The following ADAT2 variants were observed in gnomAD, a reference collection of about 807,000 sequenced individuals.
The protein encoded by ADAT2 is tRNA-specific adenosine-34 deaminase catalytic subunit ADAT2.
Under a neutral mutation model 25.9 loss-of-function variants are expected in ADAT2, and 26 were observed. That is an observed-to-expected ratio of 1.00 (90% CI 0.74 to 1.39). The LOEUF (loss-of-function observed/expected upper bound fraction) is 1.39, where lower values mean the gene tolerates loss of function less well. Ranked by LOEUF, ADAT2 falls within the 40% of genes most tolerant of loss-of-function variation. The pLI is 0.00. For missense variants in ADAT2, 220 were observed against 244.8 expected, an observed-to-expected ratio of 0.90 and a Z score of 0.68; for synonymous variants, 76 against 86.8, an observed-to-expected ratio of 0.88 and a Z score of 0.69.
At chr6:143,450,497 G>A (rs1229727791) in intron 1 of ADAT2, 66 bp downstream of exon 1, 4 of 1,533,288 alleles carry the variant, frequency 2.6e-6, no homozygotes, top group African/African-American at 1.4e-5. Context: ...TTGCTCAAAT[G>A]CCGGGGTCGG....
At chr6:143,450,427 G>T in intron 1 of ADAT2, 136 bp downstream of exon 1, 1 of 924,522 alleles carries the variant, frequency 1.1e-6, no homozygotes. Flanking sequence ...AGGCAGTAAA[G>T]CCAGTTGTTC....
At position 143,437,355 on chromosome 6, in the gene ADAT2, CT is replaced by C. The variant is rs750210058; in HGVS notation, c.201+1234del. On this transcript the variant is annotated intron_variant, in intron 2 of 5. Transcript: ENST00000237283. This position sits in a 1 kb window ranked among gnomAD's most constrained non-coding sequence, Gnocchi z 4.1. ...GTTACAAAGAAATTGCTTTTTTCTTCTGTTAAAGTTAAGTTAGATCATCTTC... is the reference window on the plus strand; with the variant it reads ...GTTACAAAGAAATTGCTTTTTTCTTCGTTAAAGTTAAGTTAGATCATCTTC... Among the ~76,000 whole-genome samples, 5 of 152,172 alleles carry C rather than the reference CT, an allele frequency of 3.3e-5. No homozygotes were observed. The East Asian group carries it at 9.6e-4, about 29-fold the overall frequency.
At position 143,434,877 on chromosome 6, in the gene ADAT2, C is replaced by T. The variant is rs183453537; in HGVS notation, c.202-896G>A. ...TCAATAATTTACACTGAGTATTAAC[C>T]ATGCACAAGCCACTGGGCTAAATAA... On this transcript the variant is annotated intron_variant, in intron 2 of 5. Coordinates refer to ENST00000237283, the MANE Select transcript of ADAT2 (RefSeq NM_182503.3). This position sits in a 1 kb window ranked among gnomAD's most constrained non-coding sequence, Gnocchi z 4.5. Among the ~76,000 whole-genome samples, 90 of 152,130 alleles carry T rather than the reference C, an allele frequency of 5.9e-4. No homozygotes were observed. The highest frequency in any genetic ancestry group is 2.0e-3 in the African/African-American group (84 of 41,490).
At chr6:143,429,366 T>C (rs1779042234) in intron 4 of ADAT2, among the ~76,000 whole-genome samples, 4 of 151,150 alleles carry the variant, frequency 2.6e-5, no homozygotes, top group Admixed American at 2.6e-4. Context: ...TTTTAAAAAA[T>C]AAAATACAGC....
Position 143,437,432 on chromosome 6 carries a change from A to G in ADAT2, c.201+1158T>C, listed in dbSNP as rs1779321450. Among the ~76,000 whole-genome samples, 1 of 151,904 alleles carries G rather than the reference A, an allele frequency of 6.6e-6. No individual in the cohort carries two copies. Among genetic ancestry groups the G allele is most frequent in the South Asian group, 2.1e-4 (1 of 4,822 alleles). On this transcript the variant is annotated intron_variant, in intron 2 of 5. Coordinates refer to ENST00000237283, the MANE Select transcript of ADAT2 (RefSeq NM_182503.3). This position sits in a 1 kb window ranked among gnomAD's most constrained non-coding sequence, Gnocchi z 4.1. ...ATTTTCCTCTGTTCCTTTTATTTTCACTTCCCTTGTAATATTAGTCTCTCT... is the reference window on the plus strand; with the variant it reads ...ATTTTCCTCTGTTCCTTTTATTTTCGCTTCCCTTGTAATATTAGTCTCTCT...
intron 4 of ADAT2, among the ~76,000 whole-genome samples, chr6:143,431,984 G>A (rs1276568811): frequency 6.6e-6 from 1 of 152,062 alleles, no homozygotes; most frequent in Admixed American, 6.5e-5. Context: ...CTTAAGTCTG[G>A]GGGAAATTTC....
chr6:143,441,552 G>GA (rs1554279236), intron 1 of ADAT2: 2 of 152,170 alleles, frequency 1.3e-5, no homozygotes, highest in Non-Finnish European at 2.9e-5. Context: ...GGTAAGAGAA[G>GA]AAGAAAGAAA....
Position 143,428,587 on chromosome 6 carries a change from A to G in ADAT2, c.532+25T>C. 1 of 1,613,136 alleles carries G rather than the reference A, an allele frequency of 6.2e-7. No individual in the cohort carries two copies. Among genetic ancestry groups the G allele is most frequent in the Non-Finnish European group, 8.5e-7 (1 of 1,179,228 alleles). ...CTCTTTGTATGGATTTAAGGGAAGG[A>G]CATTATCCACAACAGAAAACTGACC... On this transcript the variant is annotated intron_variant, in intron 5 of 5. Transcript: ENST00000237283. The surrounding 1 kb of genome is among the most constrained non-coding windows in gnomAD (Gnocchi z 5.0).
At position 143,438,570 on chromosome 6, in the gene ADAT2, A is replaced by G. The variant is rs368077789; in HGVS notation, c.201+20T>C. ...CCATCACTACTGTATGTTTGCAATTATACTGCTCAACTCACATACATTTTT... is the reference window on the plus strand; with the variant it reads ...CCATCACTACTGTATGTTTGCAATTGTACTGCTCAACTCACATACATTTTT... On this transcript the variant is annotated intron_variant, in intron 2 of 5. Coordinates refer to ENST00000237283, the MANE Select transcript of ADAT2 (RefSeq NM_182503.3). 1.9e-6 allele frequency: 3 copies of G among 1,575,226 alleles called. No individual in the cohort carries two copies. The highest frequency in any genetic ancestry group is 8.7e-7 in the Non-Finnish European group (1 of 1,145,240).
chr6:143,428,778 C>T lies in ADAT2; in HGVS notation c.460-94G>A, dbSNP rs1054846330. 7 of 1,157,896 alleles carry T rather than the reference C, an allele frequency of 6.0e-6. No individual in the cohort carries two copies. In the African/African-American group the frequency reaches 9.4e-5, roughly 15 times the overall value. 71.7% of individuals were successfully genotyped at this position (1,157,896 alleles called of 1,614,324 possible). On this transcript the variant is annotated intron_variant, in intron 4 of 5. Transcript: ENST00000237283. The surrounding 1 kb of genome is among the most constrained non-coding windows in gnomAD (Gnocchi z 5.0). The stretch of plus-strand genomic sequence containing the variant: ...ACATATATATACATGATTATGTAAA[C>T]AGATTTCAGATGTTAATAAACTTTG...
intron 1 of ADAT2, chr6:143,441,937 C>T (rs1298614968): frequency 6.6e-6 from 1 of 152,188 alleles, no homozygotes; most frequent in South Asian, 2.1e-4. Flanking sequence ...TGATATTACT[C>T]ATATACTGCT....
At chr6:143,445,217 C>G (rs1191294385) in intron 1 of ADAT2, among the ~76,000 whole-genome samples, 1 of 151,820 alleles carries the variant, frequency 6.6e-6, no homozygotes, top group African/African-American at 2.4e-5. Flanking sequence ...AACTATCACC[C>G]ACCCTCCCAT....
rs1170019998 is a variant in ADAT2, at chr6:143,432,450, A to G, written c.459+55T>C. 2.5e-5 allele frequency: 38 copies of G among 1,493,696 alleles called. No homozygotes were observed. The highest frequency in any genetic ancestry group is 3.5e-5 in the Non-Finnish European group (38 of 1,071,844). 92.5% of individuals were successfully genotyped at this position (1,493,696 alleles called of 1,614,324 possible). ...CCACACACTAGTTATTCACAAGCCC[A>G]TAAAGAGATGAAAATAATTAGCAAG... On this transcript the variant is annotated intron_variant, in intron 4 of 5. Coordinates refer to ENST00000237283, the MANE Select transcript of ADAT2 (RefSeq NM_182503.3). This position sits in a 1 kb window ranked among gnomAD's most constrained non-coding sequence, Gnocchi z 4.4.
chr6:143,446,839 T>C lies in ADAT2; in HGVS notation c.96+3724A>G, dbSNP rs1037488234. ...GAGGACCATAATAATACTCACCTGA[T>C]AGGGCTTCTGTGGGGCTTATAACAT... On this transcript the variant is annotated intron_variant, in intron 1 of 5. Transcript: ENST00000237283. The surrounding 1 kb of genome is among the most constrained non-coding windows in gnomAD (Gnocchi z 5.0). Among the ~76,000 whole-genome samples, 42 of 152,194 alleles carry C rather than the reference T, an allele frequency of 2.8e-4. No homozygotes were observed. Among genetic ancestry groups the C allele is most frequent in the African/African-American group, 9.2e-4 (38 of 41,436 alleles).
chr6:143,425,290 G>C lies in ADAT2; in HGVS notation c.*3173C>G, dbSNP rs896077244. The C allele has an allele frequency of 1.3e-5, 2 of 151,620 alleles. No homozygotes were observed. Among genetic ancestry groups the C allele is most frequent in the African/African-American group, 4.9e-5 (2 of 40,642 alleles). 9.4% of individuals were successfully genotyped at this position (151,620 alleles called of 1,614,324 possible). A position where few individuals can be genotyped will look rare whatever the true frequency, so the allele number is the denominator to read the frequency against. On this transcript the variant is annotated 3_prime_UTR_variant, in exon 6 of 6. Transcript: ENST00000237283. ...AGTGCTTTGGGAGGCCAAGGAAGGAGGATTGCTTCAGCCTAGGAGTTCAAG... is the reference window on the plus strand; with the variant it reads ...AGTGCTTTGGGAGGCCAAGGAAGGACGATTGCTTCAGCCTAGGAGTTCAAG...
rs1056472565 is a variant in ADAT2, at chr6:143,427,543, T to C, written c.*920A>G. On this transcript the variant is annotated 3_prime_UTR_variant, in exon 6 of 6. Transcript: ENST00000237283. ...CATTTTAGATTTTAAATTTATTATA[T>C]GGATTATAAAAGAAATAACCATTTG... 2.0e-5 allele frequency: 3 copies of C among 152,246 alleles called. No individual in the cohort carries two copies. In the East Asian group the frequency reaches 5.8e-4, roughly 29 times the overall value. The allele number at this position is 152,246 out of a possible 1,614,324, so 9.4% of individuals were successfully genotyped here.
chr6:143,434,043 T>C lies in ADAT2; in HGVS notation c.202-62A>G, dbSNP rs1332981580. The stretch of plus-strand genomic sequence containing the variant: ...CTTCATGTGACTACTATTTTACAAA[T>C]ATACAAAAACTAAGTACAAAATATG... On this transcript the variant is annotated intron_variant, in intron 2 of 5. Coordinates refer to ENST00000237283, the MANE Select transcript of ADAT2 (RefSeq NM_182503.3). The surrounding 1 kb of genome is among the most constrained non-coding windows in gnomAD (Gnocchi z 4.5). The C allele has an allele frequency of 1.2e-5, 19 of 1,590,602 alleles. No homozygotes were observed. The highest frequency in any genetic ancestry group is 1.7e-4 in the Middle Eastern group (1 of 5,936).
rs927065994 is a variant in ADAT2 at position 143,432,078 on chromosome 6, T to C, written c.459+427A>G. 1.3e-5 allele frequency among the ~76,000 whole-genome samples: 2 copies of C among 152,110 alleles called. No homozygotes were observed. Among genetic ancestry groups the C allele is most frequent in the Non-Finnish European group, 1.5e-5 (1 of 68,018 alleles). ...ATAAGGATGTGGCAATCAAGCAAAA[T>C]GATTAAATTTGTACAAAAATATTGT... On this transcript the variant is annotated intron_variant, in intron 4 of 5. Transcript: ENST00000237283. The surrounding 1 kb of genome is among the most constrained non-coding windows in gnomAD (Gnocchi z 4.4).
At chr6:143,448,139 A>T (rs1779649306) in intron 1 of ADAT2, among the ~76,000 whole-genome samples, 1 of 152,162 alleles carries the variant, frequency 6.6e-6, no homozygotes, top group Admixed American at 6.5e-5. Context: ...TTCTGAGCAA[A>T]CTATCACAAG....
Sources: gnomAD v4.1 joint callset for allele counts (sites outside exome capture counted in the v4.1 genomes callset) on GRCh38, gnomAD v4.1.1 for gene constraint, Gnocchi (gnomAD v3.1) non-coding constraint, MANE v1.5 for transcripts, NCBI Gene and HGNC (gene_info 2026-07-23, HGNC 2026-07-21) for gene names.